NUS1: variants seen among roughly 807,000 people sequenced by gnomAD.
NUS1 encodes the protein dehydrodolichyl diphosphate synthase complex subunit NUS1.
For missense variants in NUS1, 292 were observed against 382.9 expected, an observed-to-expected ratio of 0.76 and a Z score of 1.98; for synonymous variants, 135 against 155.2, an observed-to-expected ratio of 0.87 and a Z score of 0.97.
intron 3 of NUS1, among the ~76,000 whole-genome samples, chr6:117,696,610 C>T (rs1379443277): frequency 6.6e-6 from 1 of 152,026 alleles, no homozygotes; most frequent in Non-Finnish European, 1.5e-5. Flanking sequence ...GAGAGAGTGG[C>T]ATAACATATT....
rs545230837 is a variant in NUS1, at chr6:117,686,944, G to A, written c.416-6098G>A. 4.0e-4 allele frequency among the ~76,000 whole-genome samples: 61 copies of A among 151,778 alleles called. No homozygotes were observed. In the South Asian group the frequency reaches 0.012, roughly 30 times the overall value. On this transcript the variant is annotated intron_variant, in intron 1 of 4. Coordinates refer to ENST00000368494, the MANE Select transcript of NUS1 (RefSeq NM_138459.5). Reference sequence around the variant, plus strand: ...AAACTGTAAGCTGATAATATTGCTTGTGAATAAGTATGATCAGATTTCTGG... The same window carrying A: ...AAACTGTAAGCTGATAATATTGCTTATGAATAAGTATGATCAGATTTCTGG...
intron 1 of NUS1, among the ~76,000 whole-genome samples, chr6:117,681,611 A>G (rs1773062962): frequency 6.6e-6 from 1 of 152,234 alleles, no homozygotes; most frequent in African/African-American, 2.4e-5. Flanking sequence ...GGTGCCGGAA[A>G]TGTTGAAAGT....
intron 1 of NUS1, among the ~76,000 whole-genome samples, chr6:117,683,327 T>G (rs553377782): frequency 1.3e-5 from 2 of 152,342 alleles, no homozygotes; most frequent in Non-Finnish European, 2.9e-5. Flanking sequence ...GGCTCTCTCC[T>G]GAAATAAAAT....
At chr6:117,696,052 A>C (rs1398906105) in intron 3 of NUS1, among the ~76,000 whole-genome samples, 2 of 152,092 alleles carry the variant, frequency 1.3e-5, no homozygotes, top group Non-Finnish European at 2.9e-5. Context: ...AGAATTCAGA[A>C]AGTCAGAATT....
Position 117,707,831 on chromosome 6 carries a change from C to T in NUS1, c.*816C>T, listed in dbSNP as rs1287187124. On this transcript the variant is annotated 3_prime_UTR_variant, in exon 5 of 5. Transcript: ENST00000368494. ...CATTGGATTAGGCAGTCAAAAAAAC[C>T]AAGCAAGCATAAAAGGTCAATAAGT... The T allele has an allele frequency of 6.6e-6, 1 of 152,458 alleles. No homozygotes were observed. Among genetic ancestry groups the T allele is most frequent in the African/African-American group, 2.4e-5 (1 of 41,390 alleles). 9.4% of individuals were successfully genotyped at this position (152,458 alleles called of 1,614,324 possible). A position where few individuals can be genotyped will look rare whatever the true frequency, so the allele number is the denominator to read the frequency against.
chr6:117,695,309 C>G (rs767948931), intron 3 of NUS1, among the ~76,000 whole-genome samples: 18 of 151,324 alleles, frequency 1.2e-4, no homozygotes, highest in Non-Finnish European at 2.4e-4. Context: ...CGTCACAGAG[C>G]AAAGTCCATC....
At position 117,701,117 on chromosome 6, in the gene NUS1, T is replaced by G. The variant is rs575933782; in HGVS notation, c.692-2488T>G. Among the ~76,000 whole-genome samples the G allele has an allele frequency of 7.9e-5, 12 of 152,056 alleles. 1 individual carries two copies. In the East Asian group the frequency reaches 2.1e-3, roughly 27 times the overall value. On this transcript the variant is annotated intron_variant, in intron 3 of 4. Coordinates refer to ENST00000368494, the MANE Select transcript of NUS1 (RefSeq NM_138459.5). ...TTGGCTTTCTAATTTAAAAAAACTC[T>G]GCTGGGGTTTTGATATGGATTGAAT...
chr6:117,700,792 G>A (rs151060614), intron 3 of NUS1, among the ~76,000 whole-genome samples: 50 of 152,282 alleles, frequency 3.3e-4, no homozygotes, highest in Non-Finnish European at 6.3e-4. Flanking sequence ...ACAAGATCCT[G>A]TCATTTGCAG....
At chr6:117,689,738 A>T (rs1417644780) in intron 1 of NUS1, among the ~76,000 whole-genome samples, 2 of 151,622 alleles carry the variant, frequency 1.3e-5, no homozygotes, top group Admixed American at 6.6e-5. Flanking sequence ...ATTAAAAAAC[A>T]TTTTTTTTGT....
chr6:117,694,660 T>A (rs1042418853), intron 3 of NUS1, among the ~76,000 whole-genome samples: 1 of 152,192 alleles, frequency 6.6e-6, no homozygotes, highest in African/African-American at 2.4e-5. Flanking sequence ...ATACCAAATA[T>A]AACTTTTTTT....
At chr6:117,693,821 T>C (rs1479586361) in intron 2 of NUS1, among the ~76,000 whole-genome samples, 1 of 152,196 alleles carries the variant, frequency 6.6e-6, no homozygotes, top group Non-Finnish European at 1.5e-5. Context: ...TGTATAAATA[T>C]ATACATGGAT....
chr6:117,676,131 C>T (rs1230718911), intron 1 of NUS1, 46 bp downstream of exon 1: 2 of 1,548,870 alleles, frequency 1.3e-6, no homozygotes, highest in African/African-American at 1.4e-5. Context: ...CGTCTTGGAC[C>T]GCTAGACCGC....
intron 1 of NUS1, among the ~76,000 whole-genome samples, chr6:117,684,689 A>G (rs886415396): frequency 1.3e-5 from 2 of 152,194 alleles, no homozygotes. Flanking sequence ...TGTCCATATG[A>G]TACTCTACTT....
At chr6:117,676,213 A>C in intron 1 of NUS1, 128 bp downstream of exon 1, 1 of 1,399,098 alleles carries the variant, frequency 7.1e-7, no homozygotes, top group African/African-American at 1.4e-5. Flanking sequence ...AGCGCTTTCG[A>C]GGAAGGGAGA....
intron 3 of NUS1, among the ~76,000 whole-genome samples, chr6:117,695,193 C>CAAA (rs58136219): frequency 6.5e-4 from 36 of 55,228 alleles, no homozygotes; most frequent in South Asian, 1.1e-3. Context: ...GACCCTGTCT[C>CAAA]AAAAAAAAAA....
At chr6:117,676,529 G>A (rs549109251) in intron 1 of NUS1, among the ~76,000 whole-genome samples, 1 of 152,306 alleles carries the variant, frequency 6.6e-6, no homozygotes, top group Non-Finnish European at 1.5e-5. Flanking sequence ...GGTGAGCCGA[G>A]ATCGCGCCAC....
chr6:117,705,338 G>A (rs1427169444), intron 4 of NUS1, among the ~76,000 whole-genome samples: 2 of 152,142 alleles, frequency 1.3e-5, no homozygotes, highest in Non-Finnish European at 2.9e-5. Context: ...GGTTTGGAGG[G>A]AAGAACAGAA....
At chr6:117,678,823 T>G (rs1013541874) in intron 1 of NUS1, among the ~76,000 whole-genome samples, 1 of 151,700 alleles carries the variant, frequency 6.6e-6, no homozygotes, top group African/African-American at 2.4e-5. Context: ...GGACTACAGG[T>G]GATGCGCGCC....
rs539314767 is a variant in NUS1 at position 117,710,670 on chromosome 6, G to A, written c.*3655G>A. ...GAGTCTTGCATTCTCTTTTGTATTT[G>A]ATTATTGTGTCTGGATATAAATTAC... On this transcript the variant is annotated 3_prime_UTR_variant, in exon 5 of 5. Transcript: ENST00000368494. 6.6e-6 allele frequency: 1 copy of A among 152,156 alleles called. No homozygotes were observed. The highest frequency in any genetic ancestry group is 2.4e-5 in the African/African-American group (1 of 41,510). The allele number at this position is 152,156 out of a possible 1,614,324, so 9.4% of individuals were successfully genotyped here.
Sources: allele counts gnomAD v4.1 joint callset (sites outside exome capture counted in the v4.1 genomes callset), GRCh38; gene constraint gnomAD v4.1.1; transcripts MANE v1.5; gene names NCBI Gene and HGNC (gene_info 2026-07-23, HGNC 2026-07-21).